The following HPSE2 variants were observed in gnomAD, a reference collection of about 807,000 sequenced individuals.
The protein encoded by HPSE2 is inactive heparanase-2.
HPSE2 carries 38 observed loss-of-function variants against 60.5 expected under a neutral mutation model. The observed-to-expected ratio is 0.63, with a 90% CI of 0.48 to 0.82. The LOEUF (loss-of-function observed/expected upper bound fraction) is 0.82. HPSE2 is among the 40% of genes least tolerant of loss of function. The probability of loss-of-function intolerance (pLI) is 0.00; values close to 1 mark genes in which losing one functional copy is unlikely to be tolerated. For missense variants in HPSE2, 713 were observed against 740.4 expected (o/e 0.96, Z 0.43); for synonymous variants, 295 against 293.2 (o/e 1.01, Z -0.06).
intron 3 of HPSE2, among the ~76,000 whole-genome samples, chr10:98,992,022 T>C (rs1384246584): frequency 6.6e-6 from 1 of 152,208 alleles, no homozygotes; most frequent in South Asian, 2.1e-4. Flanking sequence ...TTTCCACTCA[T>C]GTAGAAATGA....
In HPSE2 at chr10:98,678,260, C is replaced by T. The variant is rs146136868; in HGVS notation, c.1004+15640G>A. On this transcript the variant is annotated intron_variant, in intron 6 of 11. Coordinates refer to ENST00000370552, the MANE Select transcript of HPSE2 (RefSeq NM_021828.5). ...AGGACAATTTTTCTTACATTTTTCC[C>T]CCATCCACATGTCAGAGAAGAAGCT... is the stretch of plus-strand genomic sequence containing the variant. Among the ~76,000 whole-genome samples the T allele has an allele frequency of 2.6e-3, 401 of 152,202 alleles. 3 individuals carry two copies. The highest frequency in any genetic ancestry group is 9.2e-3 in the African/African-American group (381 of 41,538).
In HPSE2 at chr10:99,162,913, GA is replaced by G. The variant is rs561278215; in HGVS notation, c.449-18515del. On this transcript the variant is annotated intron_variant, in intron 2 of 11. Transcript: ENST00000370552. ...CGAGGCATTCAGCATACCATCTTTGGAAAATAGGCTTCATGGCCAGGCGCGG... is the reference window on the plus strand; with the variant it reads ...CGAGGCATTCAGCATACCATCTTTGGAAATAGGCTTCATGGCCAGGCGCGG... Among the ~76,000 whole-genome samples, 148 of 152,176 alleles carry G rather than the reference GA, an allele frequency of 9.7e-4. 1 individual carries two copies. The highest frequency in any genetic ancestry group is 2.9e-3 in the Admixed American group (45 of 15,280).
At chr10:98,767,668 G>A (rs1331699010) in intron 3 of HPSE2, among the ~76,000 whole-genome samples, 1 of 144,404 alleles carries the variant, frequency 6.9e-6, no homozygotes, top group Non-Finnish European at 1.5e-5. Context: ...TATTATTTAT[G>A]TATCTATAAA....
intron 9 of HPSE2, among the ~76,000 whole-genome samples, chr10:98,569,342 T>C (rs1191210100): frequency 6.6e-6 from 1 of 152,198 alleles, no homozygotes; most frequent in Non-Finnish European, 1.5e-5. Flanking sequence ...ATTACAGACG[T>C]GAGCCACTGC....
intron 3 of HPSE2, among the ~76,000 whole-genome samples, chr10:98,993,069 G>T (rs554085739): frequency 2.0e-5 from 3 of 152,258 alleles, no homozygotes; most frequent in Admixed American, 6.5e-5. Flanking sequence ...TAGCGCCATG[G>T]TCCCTCCATC....
intron 2 of HPSE2, among the ~76,000 whole-genome samples, chr10:99,223,547 A>T (rs888518689): frequency 1.3e-5 from 2 of 152,196 alleles, no homozygotes; most frequent in Admixed American, 1.3e-4. Flanking sequence ...TTCTAAATAT[A>T]CAGCATATAC....
At chr10:99,270,565 GA>G in the HPSE2 span, among the ~76,000 whole-genome samples, 1 of 152,130 alleles carries the variant, frequency 6.6e-6, no homozygotes, top group African/African-American at 2.4e-5. Context: ...GACATTCAAA[GA>G]AGAATTTGTA....
chr10:99,064,331 T>C lies in HPSE2; in HGVS notation c.610+79907A>G, dbSNP rs149236047. Among the ~76,000 whole-genome samples, 675 of 152,314 alleles carry C rather than the reference T, an allele frequency of 4.4e-3. 5 individuals carry two copies. Among genetic ancestry groups the C allele is most frequent in the South Asian group, 0.031 (151 of 4,828 alleles). ...AAAGAAAGCAAGATACAGAACACTA[T>C]GCATAGTTTAATCCTCTTATAAAAT... is the stretch of plus-strand genomic sequence containing the variant. On this transcript the variant is annotated intron_variant, in intron 3 of 11. Coordinates refer to ENST00000370552, the MANE Select transcript of HPSE2 (RefSeq NM_021828.5).
chr10:99,247,136 C>T, the HPSE2 span, among the ~76,000 whole-genome samples: 1 of 152,116 alleles, frequency 6.6e-6, no homozygotes, highest in Non-Finnish European at 1.5e-5. Context: ...ACACACATAC[C>T]CTTCCATCGC....
At chr10:98,466,608 CTCAAA>C (rs1478679901) in intron 11 of HPSE2, among the ~76,000 whole-genome samples, 1 of 133,084 alleles carries the variant, frequency 7.5e-6, no homozygotes, top group Admixed American at 7.3e-5. Context: ...GAGACTCCGT[CTCAAA>C]AAAAAAAAAA....
the HPSE2 span, among the ~76,000 whole-genome samples, chr10:99,293,573 G>A: frequency 2.0e-5 from 3 of 152,098 alleles, no homozygotes; most frequent in Non-Finnish European, 4.4e-5. Flanking sequence ...TGGATAGGTT[G>A]GTAGATTAAG....
chr10:99,003,711 A>G (rs962031940), intron 3 of HPSE2, among the ~76,000 whole-genome samples: 6 of 152,116 alleles, frequency 3.9e-5, no homozygotes, highest in Non-Finnish European at 7.4e-5. Flanking sequence ...TTCCTTACAC[A>G]TTTTGGATAT....
intron 3 of HPSE2, among the ~76,000 whole-genome samples, chr10:98,960,701 C>CTTTTTTTT: frequency 1.0e-3 from 58 of 57,496 alleles, no homozygotes; most frequent in East Asian, 1.5e-3. Context: ...ATGTACATTT[C>CTTTTTTTT]TTTTTTTTTT....
At chr10:99,211,974 T>C (rs1377456944) in intron 2 of HPSE2, among the ~76,000 whole-genome samples, 1 of 152,016 alleles carries the variant, frequency 6.6e-6, no homozygotes, top group Non-Finnish European at 1.5e-5. Flanking sequence ...ATATTCAAAA[T>C]ATATAAAGAA....
intron 2 of HPSE2, among the ~76,000 whole-genome samples, chr10:99,144,746 T>C (rs952033895): frequency 6.6e-6 from 1 of 152,194 alleles, no homozygotes; most frequent in Non-Finnish European, 1.5e-5. Context: ...GAAAAAGTAT[T>C]ATAATACAAT....
At chr10:99,263,664 T>C in the HPSE2 span, among the ~76,000 whole-genome samples, 17 of 152,188 alleles carry the variant, frequency 1.1e-4, no homozygotes, top group Non-Finnish European at 1.5e-4. Context: ...TGGTCACTCC[T>C]ATTTACTCTC....
At chr10:98,589,758 T>C (rs1589463028) in intron 9 of HPSE2, among the ~76,000 whole-genome samples, 1 of 152,192 alleles carries the variant, frequency 6.6e-6, no homozygotes, top group Non-Finnish European at 1.5e-5. Flanking sequence ...GTTACCTATA[T>C]TCCCTTCATA....
intron 4 of HPSE2, among the ~76,000 whole-genome samples, chr10:98,728,557 G>A (rs1949148995): frequency 6.6e-6 from 1 of 152,100 alleles, no homozygotes; most frequent in Non-Finnish European, 1.5e-5. Context: ...GGCAGAGGTT[G>A]CAGTAAGCCA....
intron 9 of HPSE2, among the ~76,000 whole-genome samples, chr10:98,566,586 A>G (rs1944351544): frequency 6.6e-6 from 1 of 152,186 alleles, no homozygotes; most frequent in Admixed American, 6.5e-5. Flanking sequence ...TTTTCATAGC[A>G]CGTAGATTTT....
Sources: allele counts gnomAD v4.1 joint callset (sites outside exome capture counted in the v4.1 genomes callset), GRCh38; gene constraint gnomAD v4.1.1; transcripts MANE v1.5; gene names NCBI Gene and HGNC (gene_info 2026-07-23, HGNC 2026-07-21).